The following NEBL variants were observed in gnomAD, a reference collection of about 807,000 sequenced individuals.
The protein encoded by NEBL is nebulette, also known as LIM and SH3 protein 2.
A neutral mutation model predicts 140.2 loss-of-function variants in NEBL; 122 were observed. The observed-to-expected ratio is 0.87, with a 90% CI of 0.75 to 1.01. The LOEUF is 1.01. Ranked by LOEUF, NEBL falls within the 50% of genes least tolerant of loss-of-function variation. The pLI is 0.00. For missense variants in NEBL, 1,365 were observed against 1,231.3 expected (o/e 1.11, Z -1.62); for synonymous variants, 436 against 398.9 (o/e 1.09, Z -1.11).
chr10:21,040,807 G>A (rs1317124606), intron 2 of NEBL, among the ~76,000 whole-genome samples: 1 of 152,128 alleles, frequency 6.6e-6, no homozygotes, highest in African/African-American at 2.4e-5. Context: ...CTTTTCTTGT[G>A]AGAGTGAGTG....
At position 21,173,824 on chromosome 10, in the gene NEBL, G is replaced by C; in HGVS notation, c.10C>G (p.Gln4Glu). 6.2e-7 allele frequency: 1 copy of C among 1,612,298 alleles called. No individual in the cohort carries two copies. The highest frequency in any genetic ancestry group is 1.7e-5 in the Admixed American group (1 of 59,992). Reference sequence around the variant, plus strand: ...ACGACTTTTCCGCAACGGGCGCACTGGGGGTTCATGATCGCGGTTCCCGGG... The same window carrying C: ...ACGACTTTTCCGCAACGGGCGCACTCGGGGTTCATGATCGCGGTTCCCGGG... The change falls in exon 1 of 7, where the codon CAG becomes GAG. Residue 4 changes from glutamine to glutamate, a missense_variant. Gln to Glu is a conservative substitution (Grantham distance 29). Coordinates refer to the NEBL transcript ENST00000417816. This position sits in a 1 kb window ranked among gnomAD's most constrained non-coding sequence, Gnocchi z 5.7.
intron 5 of NEBL, among the ~76,000 whole-genome samples, chr10:20,870,071 A>T (rs902437153): frequency 6.6e-6 from 1 of 152,064 alleles, no homozygotes; most frequent in Non-Finnish European, 1.5e-5. Flanking sequence ...TCACGTCTGT[A>T]ATCCCAGAAC....
At chr10:21,246,341 C>T (rs1205758553) in intron 3 of NEBL, among the ~76,000 whole-genome samples, 1 of 152,236 alleles carries the variant, frequency 6.6e-6, no homozygotes, top group Non-Finnish European at 1.5e-5. Flanking sequence ...CCATATAACC[C>T]AGTAATCCCA....
At chr10:20,836,062 C>T (rs1217335994) in intron 13 of NEBL, among the ~76,000 whole-genome samples, 3 of 151,896 alleles carry the variant, frequency 2.0e-5, no homozygotes, top group Admixed American at 1.3e-4. Flanking sequence ...TTTTATTGTG[C>T]TTTGTAGATA....
chr10:21,174,598 C>G (rs1377886871), upstream of NEBL: 1 of 152,306 alleles, frequency 6.6e-6, no homozygotes, highest in Non-Finnish European at 1.5e-5. Flanking sequence ...GGGACAGCGG[C>G]ACCCAGCCCC....
intron 24 of NEBL, 38 bp from the exon 25 acceptor site, chr10:20,809,936 G>A (rs750148796): frequency 4.0e-6 from 4 of 1,004,500 alleles, no homozygotes; most frequent in East Asian, 3.0e-5. Context: ...TCATCAAGAA[G>A]GAATTTAAAA....
At chr10:21,222,225 C>A (rs1451651127) in intron 3 of NEBL, among the ~76,000 whole-genome samples, 1 of 151,180 alleles carries the variant, frequency 6.6e-6, no homozygotes, top group Non-Finnish European at 1.5e-5. Flanking sequence ...GTGGGAGAAT[C>A]GCTTAAGCCC....
chr10:20,787,457 T>C (rs1292025816), intron 26 of NEBL, 149 bp from the exon 27 acceptor site: 1 of 702,886 alleles, frequency 1.4e-6, no homozygotes, highest in African/African-American at 1.8e-5. Flanking sequence ...TGCAGTGTTA[T>C]AAGTGATCTC....
intron 1 of NEBL, among the ~76,000 whole-genome samples, chr10:21,259,860 A>G (rs1016275889): frequency 1.3e-5 from 2 of 152,200 alleles, no homozygotes; most frequent in Non-Finnish European, 2.9e-5. Context: ...AAGGTGGAAC[A>G]GGAAGGTGCA....
intron 3 of NEBL, among the ~76,000 whole-genome samples, chr10:21,182,037 G>A (rs553803618): frequency 1.3e-4 from 20 of 152,228 alleles, no homozygotes; most frequent in Middle Eastern, 3.4e-3. Context: ...TGGCCTAACC[G>A]ATCCAGAATA....
intron 1 of NEBL, among the ~76,000 whole-genome samples, chr10:21,289,273 A>G (rs1588606290): frequency 6.6e-6 from 1 of 152,124 alleles, no homozygotes; most frequent in Non-Finnish European, 1.5e-5. Flanking sequence ...GGGAATCCTG[A>G]CACCAGCTGG....
intron 22 of NEBL, 67 bp from the exon 23 acceptor site, chr10:20,814,110 A>G: frequency 1.0e-6 from 1 of 973,960 alleles, no homozygotes; most frequent in Non-Finnish European, 1.7e-6. Flanking sequence ...TTTAAGCTTT[A>G]CAAATGAGTG....
At chr10:20,986,241 C>A (rs1041321908) in intron 3 of NEBL, among the ~76,000 whole-genome samples, 1 of 152,062 alleles carries the variant, frequency 6.6e-6, no homozygotes, top group Non-Finnish European at 1.5e-5. Context: ...GCAAAGCAAC[C>A]CAACAGTTCA....
chr10:21,177,075 C>G (rs983804202), upstream of NEBL, among the ~76,000 whole-genome samples: 1 of 152,098 alleles, frequency 6.6e-6, no homozygotes, highest in Non-Finnish European at 1.5e-5. Context: ...TCCTTCTATT[C>G]TGGCACACTT....
At chr10:20,957,652 A>T (rs1001917807) in intron 4 of NEBL, among the ~76,000 whole-genome samples, 1 of 152,154 alleles carries the variant, frequency 6.6e-6, no homozygotes, top group South Asian at 2.1e-4. Flanking sequence ...ATATACGCAC[A>T]CACAGACAAG....
chr10:21,047,565 C>A (rs1834577951), intron 2 of NEBL, among the ~76,000 whole-genome samples: 1 of 151,660 alleles, frequency 6.6e-6, no homozygotes, highest in Non-Finnish European at 1.5e-5. Context: ...TTTTAACACA[C>A]ACTCTACTTT....
intron 8 of NEBL, 115 bp downstream of exon 8, chr10:20,859,598 C>A: frequency 1.5e-6 from 1 of 650,082 alleles, no homozygotes; most frequent in African/African-American, 1.9e-5. Flanking sequence ...AAATATGCTT[C>A]AGTTCAACTA....
At position 21,076,345 on chromosome 10, in the gene NEBL, T is replaced by C. The variant is rs112978628; in HGVS notation, c.165-56144A>G. On this transcript the variant is annotated intron_variant, in intron 2 of 6. Coordinates refer to the NEBL transcript ENST00000417816. ...CTGTAATCCCAGCTACTCAGAAGGC[T>C]GAGGCAGGAGAATCGCTTGAACCTG... is the stretch of plus-strand genomic sequence containing the variant. 5.8e-3 allele frequency among the ~76,000 whole-genome samples: 835 copies of C among 144,972 alleles called. 7 individuals carry two copies. Among genetic ancestry groups the C allele is most frequent in the African/African-American group, 0.021 (793 of 38,576 alleles).
At chr10:21,070,296 G>A (rs1332813884) in intron 2 of NEBL, among the ~76,000 whole-genome samples, 1 of 152,042 alleles carries the variant, frequency 6.6e-6, no homozygotes, top group Non-Finnish European at 1.5e-5. Context: ...CTCTCAGTGG[G>A]CTTCTTTAGC....
Sources: allele counts gnomAD v4.1 joint callset (sites outside exome capture counted in the v4.1 genomes callset), GRCh38; gene constraint gnomAD v4.1.1; non-coding constraint Gnocchi (gnomAD v3.1); transcripts MANE v1.5; gene names NCBI Gene and HGNC (gene_info 2026-07-23, HGNC 2026-07-21).